Variants in GNL2 observed in about 807,000 individuals in gnomAD.
The protein encoded by GNL2 is nucleolar GTP-binding protein 2.
In GNL2, 51 loss-of-function variants were observed where a neutral mutation model predicts 92.3. That is an observed-to-expected ratio of 0.55 (90% confidence interval 0.44 to 0.70). The LOEUF (loss-of-function observed/expected upper bound fraction) is 0.70, where lower values mean the gene tolerates loss of function less well. GNL2 is among the 30% of genes least tolerant of loss of function. The pLI, the probability that GNL2 is intolerant of heterozygous loss-of-function variation, is 0.00. For synonymous variants in GNL2, 283 were observed against 300.6 expected (o/e 0.94, Z 0.61); for missense variants, 844 against 895.6 (o/e 0.94, Z 0.74).
chr1:37,569,105 C>T lies in GNL2; in HGVS notation c.1614G>A (p.Val538=), dbSNP rs1054282244. The change falls in exon 13 of 16, where the codon GTG becomes GTA. Residue 538 remains valine (V), a synonymous_variant. Coordinates refer to ENST00000373062, the MANE Select transcript of GNL2 (RefSeq NM_013285.3). ...GGTCATCCCCAGAAAACTGAGGCAC[C>T]ACGTTGATTTTACCAAAGTTCTGCC... The part of the protein sequence containing the change: ...RVRQNFGKIN[V]VPQFSGDDLV... 2.5e-6 allele frequency: 4 copies of T among 1,614,000 alleles called. No homozygotes were observed. In the African/African-American group the frequency reaches 5.3e-5, roughly 22 times the overall value.
chr1:37,585,826 A>T (rs1223261069), intron 5 of GNL2, among the ~76,000 whole-genome samples: 1 of 152,182 alleles, frequency 6.6e-6, no homozygotes, highest in Non-Finnish European at 1.5e-5. Flanking sequence ...CTTCACTAAG[A>T]CAGCAAAACC....
chr1:37,575,696 A>G lies in GNL2; in HGVS notation c.1042T>C (p.Trp348Arg). The part of the protein sequence containing the change: ...VAPIAGETKV[W>R]QYITLMRRIF... Reference sequence around the variant, plus strand: ...CGACGCATCAAAGTAATATACTGCCAGACCTGAAGTCAGAAAAAAGTCAGA... The same window carrying G: ...CGACGCATCAAAGTAATATACTGCCGGACCTGAAGTCAGAAAAAAGTCAGA... Residue 348 changes from tryptophan (W) to arginine (R), a missense_variant, in exon 10 of 16, where the codon TGG becomes CGG. Trp to Arg is a moderately radical substitution (Grantham distance 101, BLOSUM62 -3). Transcript: ENST00000373062. This position sits in a 1 kb window ranked among gnomAD's most constrained non-coding sequence, Gnocchi z 4.1. 6.3e-7 allele frequency: 1 copy of G among 1,590,146 alleles called. No homozygotes were observed. Among genetic ancestry groups the G allele is most frequent in the Non-Finnish European group, 8.5e-7 (1 of 1,169,656 alleles).
chr1:37,577,505 A>G (rs1186375785), intron 8 of GNL2, among the ~76,000 whole-genome samples: 1 of 152,216 alleles, frequency 6.6e-6, no homozygotes, highest in East Asian at 1.9e-4. Context: ...AGAACCAAAC[A>G]TACTGAACCA....
Position 37,590,995 on chromosome 1 carries a change from G to A in GNL2, c.245-150C>T, listed in dbSNP as rs1195451611. On this transcript the variant is annotated intron_variant, in intron 3 of 15. Transcript: ENST00000373062. Reference sequence around the variant, plus strand: ...TGGAGCTGTTTTCAAACTTAAAAGAGGAAAAAACCAAAAAACTGCCTCTCC... The same window carrying A: ...TGGAGCTGTTTTCAAACTTAAAAGAAGAAAAAACCAAAAAACTGCCTCTCC... The A allele has an allele frequency of 1.5e-5, 10 of 659,782 alleles. No individual in the cohort carries two copies. In the South Asian group the frequency reaches 1.7e-4, roughly 11 times the overall value. The allele number at this position is 659,782 out of a possible 1,614,324, so 40.9% of individuals were successfully genotyped here.
intron 8 of GNL2, chr1:37,581,316 A>C: frequency 2.2e-6 from 1 of 455,270 alleles, no homozygotes; most frequent in South Asian, 1.6e-5. Flanking sequence ...AATTAACTAA[A>C]TAGACAAATT....
Position 37,568,966 on chromosome 1 carries a change from C to G in GNL2, c.1753G>C (p.Glu585Gln), listed in dbSNP as rs781535790. Residue 585 changes from glutamate (E) to glutamine (Q), a missense_variant, in exon 13 of 16, where the codon GAG becomes CAG. Transcript: ENST00000373062. The stretch of plus-strand genomic sequence containing the variant: ...GTGTCGTTTCCCACATTTTCCTCCT[C>G]AGGCTCCGAGGAAGACTCTTCCGCA... ...DDAEESSSEPEEENVGNDTKA... is the reference protein window; with the variant it reads ...DDAEESSSEPQEENVGNDTKA... 2 of 1,614,138 alleles carry G rather than the reference C, an allele frequency of 1.2e-6. No individual in the cohort carries two copies. The highest frequency in any genetic ancestry group is 2.2e-5 in the South Asian group (2 of 91,080).
rs1643643353 is a variant in GNL2, at chr1:37,574,398, C to T, written c.1361G>A (p.Gly454Asp). The stretch of plus-strand genomic sequence containing the variant: ...TGGCTTGACAAAGAAAGGAATCCGG[C>T]CCCTCTGCCAGTCATTGAGGACCAT... Reference protein sequence around the residue: ...GKMVLNDWQRGRIPFFVKPPN... With the variant: ...GKMVLNDWQRDRIPFFVKPPN... The change falls in exon 12 of 16, where the codon GGC (glycine) becomes GAC (aspartate). Residue 454 changes from glycine to aspartate, a missense_variant. By Grantham distance (94) the Gly-to-Asp change is moderately conservative (BLOSUM62 -1). Transcript: ENST00000373062. 1 of 1,613,970 alleles carries T rather than the reference C, an allele frequency of 6.2e-7. No homozygotes were observed.
chr1:37,588,181 G>A (rs930971979), intron 4 of GNL2, among the ~76,000 whole-genome samples: 1 of 151,978 alleles, frequency 6.6e-6, no homozygotes, highest in African/African-American at 2.4e-5. Flanking sequence ...AGAACTTGAT[G>A]TGCCTGTAAA....
rs773643902 is a variant in GNL2, at chr1:37,566,910, GTCT to G, written c.2138_2140del (p.Lys713del). On this transcript the variant is annotated inframe_deletion, in exon 16 of 16. Coordinates refer to ENST00000373062, the MANE Select transcript of GNL2 (RefSeq NM_013285.3). ...GTGTTTCTGTCCCTCTGAGTCATTG[GTCT>G]TCTTTTTGTTCCTGTTCCTATTTTT... The G allele has an allele frequency of 1.3e-5, 21 of 1,613,766 alleles. No homozygotes were observed. The highest frequency in any genetic ancestry group is 4.4e-5 in the South Asian group (4 of 91,054).
chr1:37,591,671 A>C (rs1267778903), intron 3 of GNL2, among the ~76,000 whole-genome samples: 3 of 151,904 alleles, frequency 2.0e-5, no homozygotes, highest in East Asian at 1.9e-4. Flanking sequence ...ACACCTGGCT[A>C]ATTTTTGTAT....
intron 5 of GNL2, among the ~76,000 whole-genome samples, chr1:37,585,122 G>A (rs1486326238): frequency 1.4e-5 from 2 of 145,268 alleles, no homozygotes; most frequent in Admixed American, 1.4e-4. Flanking sequence ...TGAGTGGTGC[G>A]ATCTTGGCTC....
At chr1:37,571,652 G>A (rs1418161518) in intron 12 of GNL2, among the ~76,000 whole-genome samples, 1 of 152,124 alleles carries the variant, frequency 6.6e-6, no homozygotes, top group Non-Finnish European at 1.5e-5. Context: ...TCCTCCTTTG[G>A]TGACCCTACG....
intron 4 of GNL2, among the ~76,000 whole-genome samples, chr1:37,589,682 A>C (rs1186638905): frequency 6.6e-6 from 1 of 152,228 alleles, no homozygotes; most frequent in Non-Finnish European, 1.5e-5. Context: ...CGTACTGGCT[A>C]CATTTCTGGG....
chr1:37,568,289 T>C lies in GNL2; in HGVS notation c.1937A>G (p.Asp646Gly). 1.3e-6 allele frequency: 2 copies of C among 1,596,290 alleles called. No homozygotes were observed. The highest frequency in any genetic ancestry group is 1.7e-6 in the Non-Finnish European group (2 of 1,163,596). The change falls in exon 14 of 16, where the codon GAT becomes GGT. Residue 646 changes from aspartate to glycine, a missense_variant. Coordinates refer to ENST00000373062, the MANE Select transcript of GNL2 (RefSeq NM_013285.3). Reference sequence around the variant, plus strand: ...TTTAACTTCACCTCTGTCATCTACATCTTCTTCCAGTGTTTTTCTTTGTTC... The same window carrying C: ...TTTAACTTCACCTCTGTCATCTACACCTTCTTCCAGTGTTTTTCTTTGTTC... ...PEEQRKTLEE[D>G]VDDRAPSKKG...
In GNL2 at chr1:37,595,917, A is replaced by G; in HGVS notation, c.-95T>C. On this transcript the variant is annotated 5_prime_UTR_variant, in exon 1 of 16. Coordinates refer to ENST00000373062, the MANE Select transcript of GNL2 (RefSeq NM_013285.3). ...AGCCCGGCCGAAGACACCCGCCTGA[A>G]CCACGCCGGACCACGTGTGCACGAC... is the stretch of plus-strand genomic sequence containing the variant. The G allele has an allele frequency of 1.1e-6, 1 of 922,922 alleles. No homozygotes were observed. Among genetic ancestry groups the G allele is most frequent in the Non-Finnish European group, 1.8e-6 (1 of 565,754 alleles). 57.2% of individuals were successfully genotyped at this position (922,922 alleles called of 1,614,324 possible). A position where few individuals can be genotyped will look rare whatever the true frequency, so the allele number is the denominator to read the frequency against.
At chr1:37,577,430 T>C (rs1302408454) in intron 8 of GNL2, among the ~76,000 whole-genome samples, 3 of 152,204 alleles carry the variant, frequency 2.0e-5, no homozygotes, top group Non-Finnish European at 4.4e-5. Context: ...ACATACATGC[T>C]AACCCCGTTC....
chr1:37,583,135 T>G (rs2148137974), intron 6 of GNL2, 199 bp from the exon 7 acceptor site: 1 of 392,316 alleles, frequency 2.5e-6, no homozygotes, highest in Middle Eastern at 6.6e-4. Flanking sequence ...TTTTGAAACC[T>G]GCTGAATTTA....
At chr1:37,584,008 T>G in intron 5 of GNL2, 75 bp from the exon 6 acceptor site, 4 of 871,958 alleles carry the variant, frequency 4.6e-6, no homozygotes, top group Non-Finnish European at 7.8e-6. Context: ...GTAAAGTCAA[T>G]GTACCAAAAA....
Position 37,566,865 on chromosome 1 carries a change from T to G in GNL2, c.2186A>C (p.Gln729Pro). 6.2e-7 allele frequency: 1 copy of G among 1,613,184 alleles called. No homozygotes were observed. The part of the protein sequence containing the change: ...GQKHKRKKFR[Q>P]KQ ...AAAACCTTTTAAACATTACTGCTTTTGTCTGAATTTTTTGCGTTTGTGTTT... is the reference window on the plus strand; with the variant it reads ...AAAACCTTTTAAACATTACTGCTTTGGTCTGAATTTTTTGCGTTTGTGTTT... Residue 729 changes from glutamine (Q) to proline (P), a missense_variant, in exon 16 of 16, where the codon CAA becomes CCA. Coordinates refer to ENST00000373062, the MANE Select transcript of GNL2 (RefSeq NM_013285.3).
Sources: gnomAD v4.1 joint callset for allele counts (sites outside exome capture counted in the v4.1 genomes callset) on GRCh38, gnomAD v4.1.1 for gene constraint, Gnocchi (gnomAD v3.1) non-coding constraint, MANE v1.5 for transcripts, NCBI Gene and HGNC (gene_info 2026-07-23, HGNC 2026-07-21) for gene names.